The following HSPA4 variants were observed in gnomAD, a reference collection of about 807,000 sequenced individuals.
HSPA4 encodes the protein heat shock protein family A (Hsp70) member 4.
A neutral mutation model predicts 106.2 loss-of-function variants in HSPA4; 25 were observed. The ratio of observed to expected loss-of-function variants is 0.24; its 90% CI spans 0.17 to 0.33. The LOEUF is 0.33. Among genes scored for constraint, HSPA4 ranks in the 10% least tolerant of loss-of-function variants. The pLI is 1.00. For missense variants in HSPA4, 841 were observed against 996.0 expected, an observed-to-expected ratio of 0.84 and a Z score of 2.10; for synonymous variants, 332 against 333.6, an observed-to-expected ratio of 1.00 and a Z score of 0.05.
chr5:133,063,218 A>G (rs1765266825), intron 1 of HSPA4, among the ~76,000 whole-genome samples: 1 of 147,300 alleles, frequency 6.8e-6, no homozygotes, highest in Non-Finnish European at 1.5e-5. Flanking sequence ...TGCCTCAGCC[A>G]CCCCCACCCC....
chr5:133,091,267 A>C lies in HSPA4; in HGVS notation c.1453A>C (p.Asn485His). 1.2e-6 allele frequency: 2 copies of C among 1,614,090 alleles called. No individual in the cohort carries two copies. The highest frequency in any genetic ancestry group is 1.7e-6 in the Non-Finnish European group (2 of 1,179,940). ...SSKVKVKVRV[N>H]VHGIFSVSSA... ...AAAAGTGAAAGTCAAAGTTCGAGTAAATGTCCATGGCATTTTCAGTGTGTC... is the reference window on the plus strand; with the variant it reads ...AAAAGTGAAAGTCAAAGTTCGAGTACATGTCCATGGCATTTTCAGTGTGTC... Residue 485 changes from asparagine (N) to histidine (H), a missense_variant, in exon 12 of 19, where the codon AAT becomes CAT. Around this residue, in one of 5 missense-constraint regions of HSPA4, gnomAD observed 162 missense variants for 177.7 expected, o/e 0.91. Transcript: ENST00000304858.
intron 1 of HSPA4, among the ~76,000 whole-genome samples, chr5:133,060,346 A>G (rs1412613147): frequency 6.6e-6 from 1 of 151,170 alleles, no homozygotes. Context: ...AGTTTTCAAA[A>G]TCCTTCAATT....
At chr5:133,078,646 A>G (rs1765475978) in intron 7 of HSPA4, among the ~76,000 whole-genome samples, 1 of 146,988 alleles carries the variant, frequency 6.8e-6, no homozygotes, top group African/African-American at 2.4e-5. Flanking sequence ...AAAAAAAAAA[A>G]AAAAAAAAAA....
At chr5:133,063,204 C>G (rs972079794) in intron 1 of HSPA4, among the ~76,000 whole-genome samples, 6 of 152,036 alleles carry the variant, frequency 3.9e-5, no homozygotes, top group Non-Finnish European at 8.8e-5. Flanking sequence ...TCAGGTGATC[C>G]TCCTGCCTCA....
chr5:133,094,662 G>A (rs1765688980), intron 13 of HSPA4, among the ~76,000 whole-genome samples: 1 of 152,178 alleles, frequency 6.6e-6, no homozygotes, highest in African/African-American at 2.4e-5. Context: ...AGCTGTGGGA[G>A]GGGGTTTTAG....
chr5:133,067,669 G>A, intron 3 of HSPA4, 112 bp downstream of exon 3: 1 of 927,470 alleles, frequency 1.1e-6, no homozygotes, highest in Non-Finnish European at 1.6e-6. Flanking sequence ...GCTTACAGTT[G>A]CTTAGGGAAA....
intron 4 of HSPA4, among the ~76,000 whole-genome samples, chr5:133,071,922 A>G (rs974788211): frequency 6.6e-6 from 1 of 152,118 alleles, no homozygotes; most frequent in South Asian, 2.1e-4. Context: ...CAGATCCTGT[A>G]TTTCTTAGAT....
chr5:133,067,563 G>T lies in HSPA4; in HGVS notation c.306+6G>T, dbSNP rs1043880107. ...CAGGATTAACAGGTATAAAGGTAAG[G>T]TTGTCAGGTTAATGCCTTTTAATTA... is the stretch of plus-strand genomic sequence containing the variant. On this transcript the variant is annotated splice_donor_region_variant and intron_variant, in intron 3 of 18. Coordinates refer to ENST00000304858, the MANE Select transcript of HSPA4 (RefSeq NM_002154.4). 5 of 1,606,256 alleles carry T rather than the reference G, an allele frequency of 3.1e-6. No homozygotes were observed. Among genetic ancestry groups the T allele is most frequent in the Non-Finnish European group, 4.3e-6 (5 of 1,175,584 alleles).
Position 133,076,682 on chromosome 5 carries a change from T to C in HSPA4, c.692T>C (p.Leu231Ser). The change falls in exon 7 of 19, where the codon TTG becomes TCG. Residue 231 changes from leucine (L) to serine (S), a missense_variant. Physicochemically the swap from Leu to Ser is moderately radical, Grantham distance 145. Transcript: ENST00000304858. ...KVLATAFDTTLGGRKFDEVLV... is the reference protein window; with the variant it reads ...KVLATAFDTTSGGRKFDEVLV... ...CTGGCCACTGCATTTGACACGACAT[T>C]GGGAGGTAGAAAATTTGATGAAGTG... 1 of 1,613,586 alleles carries C rather than the reference T, an allele frequency of 6.2e-7. No individual in the cohort carries two copies. Among genetic ancestry groups the C allele is most frequent in the South Asian group, 1.1e-5 (1 of 91,070 alleles).
rs1765087545 is a variant in HSPA4, at chr5:133,052,141, T to A, written c.-110T>A. 1 of 716,234 alleles carries A rather than the reference T, an allele frequency of 1.4e-6. No homozygotes were observed. Among genetic ancestry groups the A allele is most frequent in the Non-Finnish European group, 2.4e-6 (1 of 423,078 alleles). 44.4% of individuals were successfully genotyped at this position (716,234 alleles called of 1,614,324 possible). ...CGCTCGCGTGGACACCGCAAGCCCC[T>A]CAGTAGCCTCGGCCCAAGAGGCCTG... On this transcript the variant is annotated 5_prime_UTR_variant, in exon 1 of 19. Coordinates refer to ENST00000304858, the MANE Select transcript of HSPA4 (RefSeq NM_002154.4).
chr5:133,091,048 C>T (rs1001789057), intron 11 of HSPA4, 145 bp from the exon 12 acceptor site: 1 of 760,114 alleles, frequency 1.3e-6, no homozygotes, highest in Admixed American at 1.8e-5. Flanking sequence ...TAATAAGATT[C>T]TAAAAGGACC....
chr5:133,062,651 G>A (rs965919181), intron 1 of HSPA4, among the ~76,000 whole-genome samples: 4 of 152,160 alleles, frequency 2.6e-5, no homozygotes, highest in African/African-American at 9.7e-5. Context: ...GAAAGGCTGA[G>A]CTTGACACCT....
chr5:133,090,669 G>A (rs1765636317), intron 11 of HSPA4, among the ~76,000 whole-genome samples: 1 of 152,074 alleles, frequency 6.6e-6, no homozygotes, highest in African/African-American at 2.4e-5. Context: ...AGAAGCTGTG[G>A]AAAGTTAACC....
chr5:133,084,506 T>G (rs778637704), intron 7 of HSPA4, among the ~76,000 whole-genome samples: 33 of 152,180 alleles, frequency 2.2e-4, no homozygotes, highest in Admixed American at 5.2e-4. Flanking sequence ...GTTTCACTCT[T>G]TTCGTCCAGG....
intron 8 of HSPA4, among the ~76,000 whole-genome samples, chr5:133,087,485 A>G (rs1026347410): frequency 1.6e-4 from 25 of 152,236 alleles, no homozygotes; most frequent in Admixed American, 1.6e-3. Context: ...GCCCTTCTCA[A>G]GAAGTTATCA....
intron 7 of HSPA4, among the ~76,000 whole-genome samples, chr5:133,079,494 A>G (rs564104266): frequency 1.7e-4 from 26 of 152,020 alleles, no homozygotes; most frequent in African/African-American, 6.3e-4. Context: ...GGCAGATATT[A>G]TTTTCTTGTA....
At chr5:133,101,918 T>G in intron 17 of HSPA4, 40 bp downstream of exon 17, 1 of 1,225,028 alleles carries the variant, frequency 8.2e-7, no homozygotes. Context: ...TTAGTAAAGT[T>G]AACTTTTTTT....
In HSPA4 at chr5:133,052,278, T is replaced by G; in HGVS notation, c.28T>G (p.Phe10Val). 1 of 1,597,002 alleles carries G rather than the reference T, an allele frequency of 6.3e-7. No individual in the cohort carries two copies. The highest frequency in any genetic ancestry group is 8.5e-7 in the Non-Finnish European group (1 of 1,174,668). Residue 10 changes from phenylalanine to valine, a missense_variant, in exon 1 of 19, where the codon TTC becomes GTC. Around this residue, in one of 5 missense-constraint regions of HSPA4, gnomAD observed 347 missense variants for 408.7 expected, o/e 0.85. Coordinates refer to ENST00000304858, the MANE Select transcript of HSPA4 (RefSeq NM_002154.4). ...GTCGGTGGTGGGCATAGACCTGGGC[T>G]TCCAGAGCTGCTACGTCGCTGTGGC... Reference protein sequence around the residue: MSVVGIDLGFQSCYVAVARA... With the variant: MSVVGIDLGVQSCYVAVARA...
chr5:133,077,769 C>T (rs954618510), intron 7 of HSPA4, among the ~76,000 whole-genome samples: 2 of 151,986 alleles, frequency 1.3e-5, no homozygotes, highest in African/African-American at 4.8e-5. Context: ...AGACATGGGC[C>T]TGAGCTATCC....
Sources: gnomAD v4.1 joint callset for allele counts (sites outside exome capture counted in the v4.1 genomes callset) on GRCh38, gnomAD v4.1.1 for gene constraint, gnomAD v4.1.1 regional missense constraint, MANE v1.5 for transcripts, NCBI Gene and HGNC (gene_info 2026-07-23, HGNC 2026-07-21) for gene names.